Variants in MPPED1 observed in about 807,000 individuals in gnomAD.
MPPED1 encodes metallophosphoesterase domain containing 1, also known as metallophosphoesterase domain-containing protein 1.
MPPED1 carries 16 observed loss-of-function variants against 36.2 expected under a neutral mutation model. The ratio of observed to expected loss-of-function variants is 0.44; its 90% CI spans 0.30 to 0.67. The LOEUF is 0.67. Among genes scored for constraint, MPPED1 ranks in the 30% least tolerant of loss-of-function variants. The pLI is 0.10. For missense variants in MPPED1, 307 were observed against 453.4 expected (o/e 0.68, Z 2.93); for synonymous variants, 199 against 191.3 (o/e 1.04, Z -0.33).
intron 1 of MPPED1, 83 bp downstream of exon 1, chr22:43,412,241 G>C (rs1441110481): frequency 2.4e-6 from 2 of 840,912 alleles, no homozygotes; most frequent in African/African-American, 3.7e-5. Context: ...TCCAGGCGCT[G>C]GGCGACGCCC....
chr22:43,491,120 A>T (rs922426464), intron 4 of MPPED1, among the ~76,000 whole-genome samples: 4 of 152,130 alleles, frequency 2.6e-5, no homozygotes, highest in Admixed American at 6.5e-5. Context: ...TTCTTTTTTT[A>T]AAAAAATGCT....
chr22:43,466,017 C>G (rs1199327429), intron 3 of MPPED1, among the ~76,000 whole-genome samples: 1 of 152,140 alleles, frequency 6.6e-6, no homozygotes, highest in Non-Finnish European at 1.5e-5. Context: ...TGGGGGAAAA[C>G]ACAGAAAACT....
intron 3 of MPPED1, among the ~76,000 whole-genome samples, chr22:43,440,890 T>A (rs1039246830): frequency 6.6e-6 from 1 of 152,186 alleles, no homozygotes; most frequent in Non-Finnish European, 1.5e-5. Flanking sequence ...AGGCTCCATG[T>A]GGCCTCCCTC....
intron 4 of MPPED1, among the ~76,000 whole-genome samples, chr22:43,488,193 G>A (rs28579783): frequency 0.022 from 3,357 of 152,176 alleles, 63 homozygotes; most frequent in Non-Finnish European, 0.033. Context: ...CCCCTACGCC[G>A]CCCTCAGCCT....
At position 43,425,130 on chromosome 22, in the gene MPPED1, G is replaced by C; in HGVS notation, c.145G>C (p.Glu49Gln). ...CAGCCGGCTCATCATCGAGGTGGAC[G>C]AGTACAGCTCCAACCCCACCCAGGC... is the stretch of plus-strand genomic sequence containing the variant. Reference protein sequence around the residue: ...QHSRLIIEVDEYSSNPTQAFT... With the variant: ...QHSRLIIEVDQYSSNPTQAFT... Residue 49 changes from glutamate (E) to glutamine (Q), a missense_variant, in exon 2 of 7, where the codon GAG (glutamate) becomes CAG (glutamine). By Grantham distance (29) the Glu-to-Gln change is conservative (BLOSUM62 2). This residue lies in a region of MPPED1 where 169 missense variants were observed against 212.3 expected (regional missense o/e 0.80). Transcript: ENST00000443721. The C allele has an allele frequency of 6.2e-7, 1 of 1,613,856 alleles. No individual in the cohort carries two copies. The highest frequency in any genetic ancestry group is 8.5e-7 in the Non-Finnish European group (1 of 1,179,882).
chr22:43,463,607 T>C (rs531998105), intron 3 of MPPED1, among the ~76,000 whole-genome samples: 1 of 152,156 alleles, frequency 6.6e-6, no homozygotes. Flanking sequence ...TTAAAAAATA[T>C]CCTGCTATGT....
chr22:43,480,124 A>G (rs575809488), intron 4 of MPPED1, among the ~76,000 whole-genome samples: 2 of 152,128 alleles, frequency 1.3e-5, no homozygotes, highest in Non-Finnish European at 2.9e-5. Context: ...GTTAGATCGT[A>G]ATGGTTTTGA....
intron 3 of MPPED1, among the ~76,000 whole-genome samples, chr22:43,450,213 C>G (rs545214373): frequency 6.6e-6 from 1 of 152,268 alleles, no homozygotes. Flanking sequence ...TGGTCATGTC[C>G]GTGGACCTGG....
rs572220554 is a variant in MPPED1 at position 43,502,213 on chromosome 22, G to A, written c.749-431G>A. On this transcript the variant is annotated intron_variant, in intron 5 of 6. Transcript: ENST00000443721. The surrounding 1 kb of genome is among the most constrained non-coding windows in gnomAD (Gnocchi z 5.5). ...TCACTCCTGGGCTGTGTATCAGGAC[G>A]CCCTGCTCTGCAACTAACCACCAGG... Among the ~76,000 whole-genome samples, 2 of 152,130 alleles carry A rather than the reference G, an allele frequency of 1.3e-5. No individual in the cohort carries two copies. Among genetic ancestry groups the A allele is most frequent in the East Asian group, 1.9e-4 (1 of 5,132 alleles).
intron 4 of MPPED1, among the ~76,000 whole-genome samples, chr22:43,492,122 C>G (rs1220292170): frequency 6.6e-6 from 1 of 151,948 alleles, no homozygotes; most frequent in Non-Finnish European, 1.5e-5. Flanking sequence ...GTGTTGAATA[C>G]TTACTGTGTA....
intron 3 of MPPED1, among the ~76,000 whole-genome samples, chr22:43,472,263 C>G (rs929774114): frequency 6.6e-6 from 1 of 152,174 alleles, no homozygotes; most frequent in Non-Finnish European, 1.5e-5. Flanking sequence ...TTGTGCCAAA[C>G]AAAATATGTC....
At chr22:43,477,856 TTCTG>T (rs1157963269) in intron 4 of MPPED1, among the ~76,000 whole-genome samples, 1 of 152,184 alleles carries the variant, frequency 6.6e-6, no homozygotes, top group Non-Finnish European at 1.5e-5. Context: ...TCTCTGGTCT[TTCTG>T]TGTAGTGGGG....
At chr22:43,472,939 C>T (rs1365204959) in intron 3 of MPPED1, among the ~76,000 whole-genome samples, 1 of 151,534 alleles carries the variant, frequency 6.6e-6, no homozygotes, top group Non-Finnish European at 1.5e-5. Flanking sequence ...CTCTACCCTT[C>T]CCTGGAGCTC....
Position 43,426,991 on chromosome 22 carries a change from G to A in MPPED1, c.224+1782G>A, listed in dbSNP as rs1277183097. On this transcript the variant is annotated intron_variant, in intron 2 of 6. Coordinates refer to ENST00000443721, the MANE Select transcript of MPPED1 (RefSeq NM_001044370.2). ...GGGGGCCTTCCCTGGGCTGGGTTTTGTCTTTTGCTGGTGAGGTTCATCCTC... is the reference window on the plus strand; with the variant it reads ...GGGGGCCTTCCCTGGGCTGGGTTTTATCTTTTGCTGGTGAGGTTCATCCTC... Among the ~76,000 whole-genome samples, 6 of 152,336 alleles carry A rather than the reference G, an allele frequency of 3.9e-5. 1 individual carries two copies. Among genetic ancestry groups the A allele is most frequent in the African/African-American group, 9.6e-5 (4 of 41,586 alleles).
chr22:43,452,678 G>A (rs1304479163), intron 3 of MPPED1, among the ~76,000 whole-genome samples: 1 of 152,212 alleles, frequency 6.6e-6, no homozygotes, highest in Admixed American at 6.5e-5. Context: ...CACCCAGGCT[G>A]GAGTGCAGTG....
chr22:43,505,393 A>G, intron 6 of MPPED1, 105 bp from the exon 7 acceptor site: 6 of 970,094 alleles, frequency 6.2e-6, no homozygotes, highest in Admixed American at 2.3e-5. Context: ...GCTTGCCCCA[A>G]ACACATTCAG....
chr22:43,434,929 G>A (rs1049466311), intron 2 of MPPED1, 105 bp from the exon 3 acceptor site: 5 of 1,258,322 alleles, frequency 4.0e-6, no homozygotes, highest in Admixed American at 1.9e-5. Context: ...GGATCTGAGC[G>A]GGATTGATGG....
intron 4 of MPPED1, among the ~76,000 whole-genome samples, chr22:43,497,538 A>G (rs955800558): frequency 3.9e-5 from 6 of 152,086 alleles, no homozygotes; most frequent in Non-Finnish European, 8.8e-5. Flanking sequence ...TGCAATTGGA[A>G]GGATCTAGGT....
intron 1 of MPPED1, among the ~76,000 whole-genome samples, chr22:43,413,713 A>G (rs1928986040): frequency 1.3e-5 from 2 of 152,106 alleles, no homozygotes; most frequent in South Asian, 4.2e-4. Flanking sequence ...GCCCCACAAC[A>G]CTTGTAAAAT....
Sources: gnomAD v4.1 joint callset for allele counts (sites outside exome capture counted in the v4.1 genomes callset) on GRCh38, gnomAD v4.1.1 for gene constraint, gnomAD v4.1.1 regional missense constraint, Gnocchi (gnomAD v3.1) non-coding constraint, MANE v1.5 for transcripts, NCBI Gene and HGNC (gene_info 2026-07-23, HGNC 2026-07-21) for gene names.